Variants in ITGAV observed in about 807,000 individuals in gnomAD.
ITGAV encodes integrin subunit alpha V, also known as integrin alpha-V.
In ITGAV, 76 loss-of-function variants were observed where a neutral mutation model predicts 143.8. The ratio of observed to expected loss-of-function variants is 0.53; its 90% CI spans 0.44 to 0.64. ITGAV has a LOEUF of 0.64. Among genes scored for constraint, ITGAV ranks in the 30% least tolerant of loss-of-function variants. The probability of loss-of-function intolerance (pLI) is 0.00; values close to 1 mark genes in which losing one functional copy is unlikely to be tolerated. For missense variants in ITGAV, 1,193 were observed against 1,274.7 expected (o/e 0.94, Z 0.98); for synonymous variants, 453 against 446.7 (o/e 1.01, Z -0.18).
intron 24 of ITGAV, 158 bp from the exon 25 acceptor site, chr2:186,668,604 T>A: frequency 1.6e-6 from 1 of 622,996 alleles, no homozygotes; most frequent in South Asian, 2.0e-5. Flanking sequence ...TTTGATCATT[T>A]TTGCATAAAA....
intron 4 of ITGAV, among the ~76,000 whole-genome samples, chr2:186,626,652 A>C (rs1412277009): frequency 3.3e-5 from 5 of 152,206 alleles, no homozygotes; most frequent in African/African-American, 1.2e-4. Flanking sequence ...TTATTTCAAT[A>C]AACACTTATT....
intron 2 of ITGAV, among the ~76,000 whole-genome samples, chr2:186,613,502 G>A (rs565250051): frequency 2.0e-5 from 3 of 152,230 alleles, no homozygotes; most frequent in African/African-American, 7.2e-5. Flanking sequence ...TGTAAAAGAT[G>A]TTTCTGGATA....
chr2:186,597,473 T>C (rs965432224), intron 1 of ITGAV, among the ~76,000 whole-genome samples: 2 of 152,254 alleles, frequency 1.3e-5, no homozygotes, highest in African/African-American at 2.4e-5. Flanking sequence ...TTTACTTTGT[T>C]ACTCCACTGT....
chr2:186,614,475 G>T (rs2105673569), intron 2 of ITGAV, among the ~76,000 whole-genome samples: 1 of 152,178 alleles, frequency 6.6e-6, no homozygotes, highest in African/African-American at 2.4e-5. Context: ...AGGAATGTGT[G>T]TTTCAAGATT....
chr2:186,600,124 C>G, intron 1 of ITGAV: 1 of 506,902 alleles, frequency 2.0e-6, no homozygotes, highest in South Asian at 3.6e-5. Flanking sequence ...CCAAAAGGCC[C>G]TATTTGACTT....
At chr2:186,635,814 A>C (rs150309384) in intron 6 of ITGAV, among the ~76,000 whole-genome samples, 18 of 152,306 alleles carry the variant, frequency 1.2e-4, no homozygotes, top group Admixed American at 7.2e-4. Context: ...CGTGTATTTA[A>C]CATTGCTTTC....
In ITGAV at chr2:186,679,148, C is replaced by T. The variant is rs1318253623; in HGVS notation, c.*1856C>T. The T allele has an allele frequency of 6.5e-6, 1 of 152,790 alleles. No individual in the cohort carries two copies. Among genetic ancestry groups the T allele is most frequent in the African/African-American group, 2.4e-5 (1 of 41,384 alleles). The allele number at this position is 152,790 out of a possible 1,614,324, so 9.5% of individuals were successfully genotyped here. On this transcript the variant is annotated 3_prime_UTR_variant, in exon 30 of 30. Transcript: ENST00000261023. ...TTATCCTAGGGCCAAGTGTTGCCTG[C>T]CACCAATCAGTAAGTTAGTCTATAA...
At chr2:186,660,186 ATTG>A (rs1688705700) in intron 18 of ITGAV, among the ~76,000 whole-genome samples, 1 of 152,038 alleles carries the variant, frequency 6.6e-6, no homozygotes, top group African/African-American at 2.4e-5. Context: ...TTTTATTATC[ATTG>A]TTATCACTAC....
rs768780155 is a variant in ITGAV, at chr2:186,669,804, T to C, written c.2696T>C (p.Ile899Thr). The C allele has an allele frequency of 6.2e-7, 1 of 1,611,272 alleles. No individual in the cohort carries two copies. The highest frequency in any genetic ancestry group is 2.2e-5 in the East Asian group (1 of 44,852). Residue 899 changes from isoleucine to threonine, a missense_variant, in exon 26 of 30, where the codon ATT becomes ACT. Coordinates refer to ENST00000261023, the MANE Select transcript of ITGAV (RefSeq NM_002210.5). ...KRDLALSEGDIHTLGCGVAQC... is the reference protein window; with the variant it reads ...KRDLALSEGDTHTLGCGVAQC... ...GATCTTGCCCTCAGTGAAGGAGATA[T>C]TCACACTTTGGTAAGTGCCATTTCA...
chr2:186,654,794 C>T, intron 16 of ITGAV, 86 bp downstream of exon 16: 1 of 610,894 alleles, frequency 1.6e-6, no homozygotes, highest in Non-Finnish European at 2.9e-6. Context: ...CAAATAGTTA[C>T]TTGAATTGTT....
intron 1 of ITGAV, among the ~76,000 whole-genome samples, chr2:186,597,601 TTATAAAA>T (rs1334962194): frequency 6.6e-6 from 1 of 152,270 alleles, no homozygotes; most frequent in East Asian, 1.9e-4. Flanking sequence ...GACCAAAAAG[TTATAAAA>T]TATATTGTAA....
chr2:186,637,284 AC>A (rs1687971485), intron 8 of ITGAV, among the ~76,000 whole-genome samples, 175 bp downstream of exon 8: 2 of 151,902 alleles, frequency 1.3e-5, no homozygotes, highest in Admixed American at 1.3e-4. Flanking sequence ...GAGTTCAAGA[AC>A]AGTCTGGACA....
chr2:186,601,978 C>T, intron 1 of ITGAV, 43 bp from the exon 2 acceptor site: 4 of 1,586,232 alleles, frequency 2.5e-6, no homozygotes, highest in Non-Finnish European at 3.4e-6. Context: ...ATTGCTTACA[C>T]TTTGTTTCAT....
chr2:186,650,640 G>C (rs1326393694), intron 14 of ITGAV, among the ~76,000 whole-genome samples: 1 of 151,444 alleles, frequency 6.6e-6, no homozygotes, highest in African/African-American at 2.4e-5. Flanking sequence ...TTGCTTCCCA[G>C]GTCCTAGTGA....
intron 2 of ITGAV, among the ~76,000 whole-genome samples, chr2:186,613,043 A>G (rs183837648): frequency 6.6e-6 from 1 of 152,222 alleles, no homozygotes; most frequent in African/African-American, 2.4e-5. Context: ...TAATGTTTTC[A>G]GTATTTTACT....
rs937594341 is a variant in ITGAV at position 186,641,770 on chromosome 2, A to G, written c.1159+182A>G. 6.8e-6 allele frequency: 4 copies of G among 587,054 alleles called. No homozygotes were observed. The African/African-American group carries it at 7.5e-5, about 11-fold the overall frequency. 36.4% of individuals were successfully genotyped at this position (587,054 alleles called of 1,614,324 possible). A position where few individuals can be genotyped will look rare whatever the true frequency, so the allele number is the denominator to read the frequency against. The stretch of plus-strand genomic sequence containing the variant: ...GCTATTTTTCTTTAAAAATCAGAGC[A>G]AAGATTTCAATAATGGACTCTCATG... On this transcript the variant is annotated intron_variant, in intron 12 of 29. Coordinates refer to ENST00000261023, the MANE Select transcript of ITGAV (RefSeq NM_002210.5).
chr2:186,603,092 A>G (rs1686958713), intron 2 of ITGAV, among the ~76,000 whole-genome samples: 1 of 152,174 alleles, frequency 6.6e-6, no homozygotes, highest in South Asian at 2.1e-4. Context: ...TGCCAGTGAA[A>G]TAAAATATGC....
intron 2 of ITGAV, among the ~76,000 whole-genome samples, chr2:186,618,134 C>G (rs1174015610): frequency 6.6e-6 from 1 of 152,180 alleles, no homozygotes; most frequent in Non-Finnish European, 1.5e-5. Flanking sequence ...TACACTTCCT[C>G]TGGGTGAAAC....
rs1029034370 is a variant in ITGAV at position 186,602,064 on chromosome 2, C to A, written c.229C>A (p.Gln77Lys). The A allele has an allele frequency of 6.2e-7, 1 of 1,612,366 alleles. No individual in the cohort carries two copies. The highest frequency in any genetic ancestry group is 8.5e-7 in the Non-Finnish European group (1 of 1,179,094). The change falls in exon 2 of 30, where the codon CAG becomes AAG. Residue 77 changes from glutamine to lysine, a missense_variant. By Grantham distance (53) the Gln-to-Lys change is moderately conservative. Coordinates refer to ENST00000261023, the MANE Select transcript of ITGAV (RefSeq NM_002210.5). ...GGGAGCTCCCAAAGCAAACACCACC[C>A]AGCCTGGGATTGTGGAAGGAGGGCA... is the stretch of plus-strand genomic sequence containing the variant. ...LVGAPKANTT[Q>K]PGIVEGGQVL...
Sources: gnomAD v4.1 joint callset for allele counts (sites outside exome capture counted in the v4.1 genomes callset) on GRCh38, gnomAD v4.1.1 for gene constraint, MANE v1.5 for transcripts, NCBI Gene and HGNC (gene_info 2026-07-23, HGNC 2026-07-21) for gene names.